The following PAK1 variants were observed in gnomAD, a reference collection of about 807,000 sequenced individuals.
The protein encoded by PAK1 is p21 (RAC1) activated kinase 1.
A neutral mutation model predicts 67.4 loss-of-function variants in PAK1; 29 were observed. The ratio of observed to expected loss-of-function variants is 0.43; its 90% CI spans 0.32 to 0.59. The LOEUF (loss-of-function observed/expected upper bound fraction) is 0.59. Among genes scored for constraint, PAK1 ranks in the 20% least tolerant of loss-of-function variants. The probability of loss-of-function intolerance (pLI) is 0.07; values close to 1 mark genes in which losing one functional copy is unlikely to be tolerated. For missense variants in PAK1, 337 were observed against 670.7 expected (o/e 0.50, Z 5.50); for synonymous variants, 223 against 237.4 (o/e 0.94, Z 0.56).
chr11:77,391,789 G>A (rs1230618386), intron 2 of PAK1, among the ~76,000 whole-genome samples: 11 of 152,044 alleles, frequency 7.2e-5, no homozygotes, highest in Non-Finnish European at 2.9e-5. Context: ...TCAATAAAAA[G>A]GAAATGAGGC....
At chr11:77,385,287 T>A (rs2137235849) in intron 2 of PAK1, among the ~76,000 whole-genome samples, 1 of 152,262 alleles carries the variant, frequency 6.6e-6, no homozygotes, top group Non-Finnish European at 1.5e-5. Flanking sequence ...AATTTACAGA[T>A]CATGTGCTCA....
intron 5 of PAK1, among the ~76,000 whole-genome samples, chr11:77,360,124 A>C (rs575110121): frequency 6.6e-6 from 1 of 152,274 alleles, no homozygotes; most frequent in South Asian, 2.1e-4. Context: ...GAGTCAGAAT[A>C]ACGGGATAAA....
At chr11:77,355,975 A>C in intron 6 of PAK1, 133 bp from the exon 7 acceptor site, 1 of 628,682 alleles carries the variant, frequency 1.6e-6, no homozygotes, top group Non-Finnish European at 2.8e-6. Context: ...CAAAATCTAT[A>C]TTACTCCTCC....
At chr11:77,343,077 C>T (rs549917167) in intron 10 of PAK1, among the ~76,000 whole-genome samples, 62 of 152,112 alleles carry the variant, frequency 4.1e-4, no homozygotes, top group Admixed American at 1.3e-3. Context: ...CCCTACCTCA[C>T]AATGAGATAC....
intron 1 of PAK1, among the ~76,000 whole-genome samples, chr11:77,422,819 G>T (rs1955341268): frequency 6.6e-6 from 1 of 152,004 alleles, no homozygotes. Context: ...CTGCCTTTCC[G>T]CCCCTTTCTT....
the PAK1 span, among the ~76,000 whole-genome samples, chr11:77,490,336 G>A: frequency 1.3e-4 from 18 of 142,310 alleles, no homozygotes; most frequent in Non-Finnish European, 1.4e-4. Flanking sequence ...AGGTGGGGGG[G>A]TCAGCCCCCC....
chr11:77,341,222 T>C (rs1292125086), intron 10 of PAK1, among the ~76,000 whole-genome samples: 1 of 152,172 alleles, frequency 6.6e-6, no homozygotes, highest in Non-Finnish European at 1.5e-5. Context: ...TGAGACCAAG[T>C]ATTGGGTCTT....
intron 1 of PAK1, among the ~76,000 whole-genome samples, chr11:77,409,441 T>C (rs683497): frequency 0.7 from 106,095 of 151,986 alleles, 37,832 homozygotes; most frequent in African/African-American, 0.84. Flanking sequence ...AGCAATTCCA[T>C]TACTGAGTAT....
At chr11:77,444,807 C>T (rs1956522483) in intron 1 of PAK1, among the ~76,000 whole-genome samples, 1 of 152,106 alleles carries the variant, frequency 6.6e-6, no homozygotes, top group Admixed American at 6.5e-5. Context: ...CTCAAAACTC[C>T]TTGGTTCCAC....
Position 77,340,870 on chromosome 11 carries a change from C to A in PAK1, c.999-107G>T. ...TACACAGAGTGAAACTACGTCTTAGCACAAAGTAAAGTAAAAGGTTCTTTA... is the reference window on the plus strand; with the variant it reads ...TACACAGAGTGAAACTACGTCTTAGAACAAAGTAAAGTAAAAGGTTCTTTA... On this transcript the variant is annotated intron_variant, in intron 10 of 14. Coordinates refer to ENST00000356341, the MANE Select transcript of PAK1 (RefSeq NM_002576.5). The A allele has an allele frequency of 1.4e-6, 1 of 726,594 alleles. No individual in the cohort carries two copies. Among genetic ancestry groups the A allele is most frequent in the Non-Finnish European group, 2.5e-6 (1 of 395,678 alleles). 45.0% of individuals were successfully genotyped at this position (726,594 alleles called of 1,614,324 possible).
At chr11:77,339,047 G>A (rs1279489676) in intron 11 of PAK1, among the ~76,000 whole-genome samples, 2 of 151,982 alleles carry the variant, frequency 1.3e-5, no homozygotes, top group African/African-American at 4.8e-5. Flanking sequence ...AAAAACTAGT[G>A]AATTATATAC....
intron 5 of PAK1, among the ~76,000 whole-genome samples, chr11:77,372,800 TG>T (rs1948613326): frequency 6.6e-6 from 1 of 152,232 alleles, no homozygotes; most frequent in Non-Finnish European, 1.5e-5. Context: ...ATTCTCTTTC[TG>T]TGTGGAATAC....
intron 1 of PAK1, among the ~76,000 whole-genome samples, chr11:77,425,843 C>T (rs529488826): frequency 5.1e-4 from 78 of 152,264 alleles, no homozygotes; most frequent in African/African-American, 1.8e-3. Flanking sequence ...GTGGCTTCTG[C>T]GTATAATCCT....
intron 1 of PAK1, among the ~76,000 whole-genome samples, chr11:77,411,601 C>T (rs1330892233): frequency 6.6e-6 from 1 of 152,124 alleles, no homozygotes; most frequent in Admixed American, 6.5e-5. Flanking sequence ...TGGGTGGGCT[C>T]ATCTAAAGGT....
intron 11 of PAK1, among the ~76,000 whole-genome samples, chr11:77,339,083 T>C (rs1332032510): frequency 2.0e-5 from 3 of 152,168 alleles, no homozygotes; most frequent in Non-Finnish European, 1.5e-5. Flanking sequence ...TATATCTCAA[T>C]AAAGATTTTT....
At chr11:77,491,873 G>A in the PAK1 span, among the ~76,000 whole-genome samples, 1 of 152,078 alleles carries the variant, frequency 6.6e-6, no homozygotes, top group Admixed American at 6.5e-5. Context: ...TGGACTAAAC[G>A]CTCCAGTCAA....
chr11:77,468,181 C>T (rs1183100867), intron 1 of PAK1, among the ~76,000 whole-genome samples: 4 of 152,116 alleles, frequency 2.6e-5, no homozygotes, highest in Non-Finnish European at 5.9e-5. Context: ...GAAAGCAGCC[C>T]ATAAACAAGA....
chr11:77,466,555 A>G (rs972061623), intron 1 of PAK1, among the ~76,000 whole-genome samples: 6 of 152,004 alleles, frequency 3.9e-5, no homozygotes, highest in African/African-American at 9.7e-5. Flanking sequence ...GTGAGCCGAC[A>G]TCGCATCACT....
the PAK1 span, among the ~76,000 whole-genome samples, chr11:77,498,691 A>ATTTTTTTTTTT: frequency 6.9e-5 from 5 of 72,072 alleles, no homozygotes; most frequent in Non-Finnish European, 7.5e-5. Context: ...CTTGCTTGTA[A>ATTTTTTTTTTT]TTTTTTTTTT....
Sources: gnomAD v4.1 joint callset for allele counts (sites outside exome capture counted in the v4.1 genomes callset) on GRCh38, gnomAD v4.1.1 for gene constraint, MANE v1.5 for transcripts, NCBI Gene and HGNC (gene_info 2026-07-23, HGNC 2026-07-21) for gene names.